The following OPA1 variants were observed in gnomAD, a reference collection of about 807,000 sequenced individuals.
OPA1 encodes dynamin-like GTPase OPA1, mitochondrial.
Under a neutral mutation model 152.9 loss-of-function variants are expected in OPA1, and 59 were observed. The ratio of observed to expected loss-of-function variants is 0.39; its 90% CI spans 0.31 to 0.48. The LOEUF is 0.48. Ranked by LOEUF, OPA1 falls within the 20% of genes least tolerant of loss-of-function variation. The probability of loss-of-function intolerance (pLI) is 0.96; values close to 1 mark genes in which losing one functional copy is unlikely to be tolerated. For synonymous variants in OPA1, 400 were observed against 389.9 expected (o/e 1.03, Z -0.31); for missense variants, 1,008 against 1,216.8 (o/e 0.83, Z 2.55).
At chr3:193,605,376 G>A (rs1727098793) in intron 1 of OPA1, among the ~76,000 whole-genome samples, 1 of 152,176 alleles carries the variant, frequency 6.6e-6, no homozygotes, top group Admixed American at 6.5e-5. Flanking sequence ...TACAGGGGCT[G>A]GTGCATGGAA....
intron 6 of OPA1, among the ~76,000 whole-genome samples, chr3:193,624,766 A>T (rs779146846): frequency 1.3e-5 from 2 of 152,086 alleles, no homozygotes; most frequent in African/African-American, 2.4e-5. Context: ...TTTATTGTCT[A>T]ATACTGGCAA....
Position 193,635,541 on chromosome 3 carries a change from G to C in OPA1, c.948+19G>C. 1 of 1,465,488 alleles carries C rather than the reference G, an allele frequency of 6.8e-7. No individual in the cohort carries two copies. Among genetic ancestry groups the C allele is most frequent in the Non-Finnish European group, 9.6e-7 (1 of 1,044,990 alleles). The allele number at this position is 1,465,488 out of a possible 1,614,324, so 90.8% of individuals were successfully genotyped here. ...GCTTAAGGTATTCTAAGTTTGTCTT[G>C]TTTATTCTCAAAATTTTACCGCTTA... is the stretch of plus-strand genomic sequence containing the variant. On this transcript the variant is annotated intron_variant, in intron 9 of 30. Coordinates refer to ENST00000361510, the MANE Select transcript of OPA1 (RefSeq NM_130837.3).
Position 193,631,757 on chromosome 3 carries a change from C to A in OPA1, c.843+92C>A, listed in dbSNP as rs1021870768. On this transcript the variant is annotated intron_variant, in intron 8 of 30. Transcript: ENST00000361510. ...ATGGACATTTATTTTTTCAACAGAGCAAAATTTGGAAGGTGTAATGATAGA... is the reference window on the plus strand; with the variant it reads ...ATGGACATTTATTTTTTCAACAGAGAAAAATTTGGAAGGTGTAATGATAGA... The A allele has an allele frequency of 5.8e-5, 62 of 1,074,268 alleles. No homozygotes were observed. In the Middle Eastern group the frequency reaches 6.0e-4, roughly 10 times the overall value. 66.5% of individuals were successfully genotyped at this position (1,074,268 alleles called of 1,614,324 possible). A position where few individuals can be genotyped will look rare whatever the true frequency, so the allele number is the denominator to read the frequency against.
In OPA1 at chr3:193,598,868, A is replaced by G. The variant is rs567906658; in HGVS notation, c.32+5459A>G. 5.9e-5 allele frequency among the ~76,000 whole-genome samples: 9 copies of G among 152,356 alleles called. No homozygotes were observed. The South Asian group carries it at 1.0e-3, about 18-fold the overall frequency. On this transcript the variant is annotated intron_variant, in intron 1 of 30. Coordinates refer to ENST00000361510, the MANE Select transcript of OPA1 (RefSeq NM_130837.3). The stretch of plus-strand genomic sequence containing the variant: ...TTGGAACCAGAGTTCTTCTGACTCA[A>G]TAGACTAAATGGATGTAAGGATGTA...
In OPA1 at chr3:193,696,881, A is replaced by G. The variant is rs946560611; in HGVS notation, c.*2281A>G. ...GTACCTAGGCAGTGCACAGCACGAA[A>G]TAAGTGGCCCTTGCAGCTTCCCCGT... On this transcript the variant is annotated 3_prime_UTR_variant, in exon 31 of 31. Coordinates refer to ENST00000361510, the MANE Select transcript of OPA1 (RefSeq NM_130837.3). 6.6e-6 allele frequency: 1 copy of G among 152,246 alleles called. No homozygotes were observed. Among genetic ancestry groups the G allele is most frequent in the Admixed American group, 6.5e-5 (1 of 15,286 alleles). 9.4% of individuals were successfully genotyped at this position (152,246 alleles called of 1,614,324 possible).
intron 29 of OPA1, 174 bp from the exon 30 acceptor site, chr3:193,691,889 G>A (rs1368081606): frequency 1.5e-5 from 8 of 546,188 alleles, no homozygotes; most frequent in Non-Finnish European, 2.7e-5. Flanking sequence ...AAATGTCTGA[G>A]ACCTACTACT....
chr3:193,642,696 C>T, intron 11 of OPA1, 69 bp from the exon 12 acceptor site: 1 of 1,170,416 alleles, frequency 8.5e-7, no homozygotes, highest in African/African-American at 1.5e-5. Context: ...GTCTAGACCA[C>T]ATACGGGCTG....
intron 11 of OPA1, among the ~76,000 whole-genome samples, chr3:193,639,731 G>A (rs1207126554): frequency 6.6e-6 from 1 of 152,246 alleles, no homozygotes; most frequent in African/African-American, 2.4e-5. Flanking sequence ...CCTTTTAAAA[G>A]GCTGCTCTTT....
At chr3:193,612,122 AG>A (rs1728343767) in intron 1 of OPA1, among the ~76,000 whole-genome samples, 1 of 152,148 alleles carries the variant, frequency 6.6e-6, no homozygotes, top group South Asian at 2.1e-4. Context: ...TAAATTCCTC[AG>A]TAAATTTTTG....
In OPA1 at chr3:193,614,790, C is replaced by T. The variant is rs746468712; in HGVS notation, c.100C>T (p.His34Tyr). The part of the protein sequence containing the change: ...IKGSLPLQKL[H>Y]LVSRSIYHSH... ...AGGAAGTTTACCACTACAAAAACTACATCTGGTTTCACGAAGCATTTATCA... is the reference window on the plus strand; with the variant it reads ...AGGAAGTTTACCACTACAAAAACTATATCTGGTTTCACGAAGCATTTATCA... Residue 34 changes from histidine to tyrosine, a missense_variant, in exon 2 of 31, where the codon CAT becomes TAT. Physicochemically the swap from His to Tyr is moderately conservative, Grantham distance 83 (BLOSUM62 2). Transcript: ENST00000361510. 7.4e-6 allele frequency: 12 copies of T among 1,613,798 alleles called. No homozygotes were observed. Among genetic ancestry groups the T allele is most frequent in the African/African-American group, 1.3e-5 (1 of 74,916 alleles).
chr3:193,680,487 C>T (rs1032121522), intron 29 of OPA1, among the ~76,000 whole-genome samples: 11 of 152,314 alleles, frequency 7.2e-5, no homozygotes, highest in African/African-American at 2.6e-4. Flanking sequence ...TTTCTTGTCC[C>T]ATTGACTGTC....
chr3:193,641,232 G>A (rs1733739594), intron 11 of OPA1, among the ~76,000 whole-genome samples: 1 of 152,168 alleles, frequency 6.6e-6, no homozygotes, highest in African/African-American at 2.4e-5. Context: ...GTGTGGACAG[G>A]TTTCCTTGAA....
intron 25 of OPA1, among the ~76,000 whole-genome samples, chr3:193,661,507 G>A (rs1715257409): frequency 6.6e-6 from 1 of 152,180 alleles, no homozygotes; most frequent in African/African-American, 2.4e-5. Flanking sequence ...AGAAGAGGTT[G>A]AGAATATCCC....
At chr3:193,606,245 A>G (rs1401633541) in intron 1 of OPA1, among the ~76,000 whole-genome samples, 2 of 152,110 alleles carry the variant, frequency 1.3e-5, no homozygotes, top group East Asian at 1.9e-4. Flanking sequence ...TTTTAAAAAT[A>G]TTTTCCAAAG....
At chr3:193,646,970 G>T in intron 18 of OPA1, 95 bp from the exon 19 acceptor site, 1 of 745,232 alleles carries the variant, frequency 1.3e-6, no homozygotes, top group Non-Finnish European at 2.3e-6. Flanking sequence ...AGGTAAGAGT[G>T]GCTGTTAGCA....
chr3:193,651,496 A>G (rs77046220), intron 21 of OPA1, among the ~76,000 whole-genome samples: 4,606 of 152,300 alleles, frequency 0.03, 247 homozygotes, highest in African/African-American at 0.11. Context: ...AATATATGCA[A>G]ATGATATATT....
rs146003075 is a variant in OPA1 at position 193,643,030 on chromosome 3, G to C, written c.1286G>C (p.Gly429Ala). The change falls in exon 13 of 31, where the codon GGC becomes GCC. Residue 429 changes from glycine (G) to alanine (A), a missense_variant. Gly to Ala is a moderately conservative substitution (Grantham distance 60, BLOSUM62 0). This residue lies in a region of OPA1 where 213 missense variants were observed against 291.4 expected (regional missense o/e 0.73). Transcript: ENST00000361510. Reference protein sequence around the residue: ...ELRMRKNVKEGCTVSPETISL... With the variant: ...ELRMRKNVKEACTVSPETISL... ...CGAATGAGGAAAAATGTGAAAGAAG[G>C]CTGTACCGTTAGCCCTGAGGTAAGG... 6.2e-7 allele frequency: 1 copy of C among 1,613,438 alleles called. No homozygotes were observed. The highest frequency in any genetic ancestry group is 1.1e-5 in the South Asian group (1 of 91,050).
At chr3:193,647,294 T>C in intron 19 of OPA1, 114 bp downstream of exon 19, 1 of 718,232 alleles carries the variant, frequency 1.4e-6, no homozygotes, top group East Asian at 2.7e-5. Context: ...GGTAGTTCAT[T>C]TACAATTAGA....
rs1437760364 is a variant in OPA1 at position 193,648,850 on chromosome 3, G to A, written c.1991G>A (p.Ser664Asn). 1 of 1,608,586 alleles carries A rather than the reference G, an allele frequency of 6.2e-7. No homozygotes were observed. Among genetic ancestry groups the A allele is most frequent in the Non-Finnish European group, 8.5e-7 (1 of 1,175,282 alleles). Residue 664 changes from serine (S) to asparagine (N), a missense_variant, in exon 21 of 31, where the codon AGC becomes AAC. Physicochemically the swap from Ser to Asn is conservative, Grantham distance 46 (BLOSUM62 1). Transcript: ENST00000361510. ...ATCCTTGATGAAGTTATCAGTCTGA[G>A]CCAGGTTACACCAAAACATTGGTAA... Reference protein sequence around the residue: ...NEILDEVISLSQVTPKHWEEI... With the variant: ...NEILDEVISLNQVTPKHWEEI...
Sources: gnomAD v4.1 joint callset for allele counts (sites outside exome capture counted in the v4.1 genomes callset) on GRCh38, gnomAD v4.1.1 for gene constraint, gnomAD v4.1.1 regional missense constraint, MANE v1.5 for transcripts, NCBI Gene and HGNC (gene_info 2026-07-23, HGNC 2026-07-21) for gene names.